Variants in ATP11A observed in about 807,000 individuals in gnomAD.
ATP11A encodes phospholipid-transporting ATPase IH.
A neutral mutation model predicts 154.4 loss-of-function variants in ATP11A; 81 were observed. That is an observed-to-expected ratio of 0.52 (90% CI 0.44 to 0.63). The LOEUF (loss-of-function observed/expected upper bound fraction) is 0.63. Among genes scored for constraint, ATP11A ranks in the 30% least tolerant of loss-of-function variants. ATP11A has a pLI of 0.00. For missense variants in ATP11A, 1,316 were observed against 1,474.3 expected (o/e 0.89, Z 1.76); for synonymous variants, 623 against 585.9 (o/e 1.06, Z -0.91).
chr13:112,839,615 C>T (rs2079337770), intron 16 of ATP11A, among the ~76,000 whole-genome samples: 1 of 152,184 alleles, frequency 6.6e-6, no homozygotes. Flanking sequence ...GGGACAGGAT[C>T]CTGTGTGTTC....
chr13:112,854,633 G>A, intron 19 of ATP11A, 103 bp downstream of exon 19: 1 of 1,376,738 alleles, frequency 7.3e-7, no homozygotes, highest in Non-Finnish European at 9.7e-7. Flanking sequence ...TCTCTACTGG[G>A]AATTCGGTTC....
chr13:112,749,508 A>G (rs2076639800), intron 1 of ATP11A, among the ~76,000 whole-genome samples: 1 of 152,266 alleles, frequency 6.6e-6, no homozygotes, highest in Non-Finnish European at 1.5e-5. Context: ...ACAGATAAAA[A>G]TAAGCAAAGG....
intron 29 of ATP11A, chr13:112,880,500 G>C: frequency 3.9e-6 from 5 of 1,276,774 alleles, no homozygotes; most frequent in Non-Finnish European, 4.1e-6. Context: ...CACTCCTGGT[G>C]GCCCCGTGTG....
chr13:112,854,609 G>A (rs144385661), intron 19 of ATP11A, 79 bp downstream of exon 19: 68 of 1,497,200 alleles, frequency 4.5e-5, no homozygotes, highest in Middle Eastern at 2.5e-4. Flanking sequence ...CCTGCAAGTC[G>A]GGGAGCCGCA....
rs35211407 is a variant in ATP11A at position 112,826,922 on chromosome 13, T to G, written c.1221+31T>G. ...TGTCTCCTGAGTCATCTGCTGTGAT[T>G]TATTAACATCTGGGTGAGTCTGCTT... On this transcript the variant is annotated intron_variant, in intron 12 of 29. Transcript: ENST00000375645. The G allele has an allele frequency of 6.7e-4, 1,077 of 1,611,366 alleles. 8 individuals carry two copies. The African/African-American group carries it at 0.01, about 15-fold the overall frequency.
At position 112,736,147 on chromosome 13, in the gene ATP11A, G is replaced by A. The variant is rs79638334; in HGVS notation, c.39+45692G>A. 9.4e-3 allele frequency among the ~76,000 whole-genome samples: 1,428 copies of A among 152,346 alleles called. 25 individuals are homozygous for A. The highest frequency in any genetic ancestry group is 0.032 in the African/African-American group (1,310 of 41,584). The stretch of plus-strand genomic sequence containing the variant: ...GCGGGTTGTGAGGGTAGCATGGACA[G>A]AGGGTGAGAACTCGAGCCCTGATCC... On this transcript the variant is annotated intron_variant, in intron 1 of 29. Coordinates refer to ENST00000375645, the MANE Select transcript of ATP11A (RefSeq NM_015205.3).
chr13:112,859,950 C>T lies in ATP11A; in HGVS notation c.2728-337C>T, dbSNP rs777679816. Among the ~76,000 whole-genome samples, 15 of 152,200 alleles carry T rather than the reference C, an allele frequency of 9.9e-5. No individual in the cohort carries two copies. The highest frequency in any genetic ancestry group is 4.1e-4 in the South Asian group (2 of 4,834). ...ACATGTGTGCTCAGTGGTTGGCGGG[C>T]CAGCTGCCTTCATGGGAAGTGACTG... On this transcript the variant is annotated intron_variant, in intron 23 of 29. Coordinates refer to ENST00000375645, the MANE Select transcript of ATP11A (RefSeq NM_015205.3). The surrounding 1 kb of genome is among the most constrained non-coding windows in gnomAD (Gnocchi z 4.3).
At chr13:112,812,642 C>A (rs1451448488) in intron 5 of ATP11A, among the ~76,000 whole-genome samples, 1 of 152,262 alleles carries the variant, frequency 6.6e-6, no homozygotes, top group East Asian at 1.9e-4. Context: ...ACTAACCCCC[C>A]ACCGCTCACC....
At chr13:112,805,489 A>G (rs2078294754) in intron 3 of ATP11A, among the ~76,000 whole-genome samples, 1 of 152,302 alleles carries the variant, frequency 6.6e-6, no homozygotes, top group East Asian at 1.9e-4. Flanking sequence ...CATCCTGGCC[A>G]GCATGGCTAA....
intron 19 of ATP11A, among the ~76,000 whole-genome samples, chr13:112,855,026 A>G (rs965144109): frequency 3.3e-5 from 5 of 152,184 alleles, no homozygotes; most frequent in African/African-American, 7.2e-5. Flanking sequence ...CTGGTGTTAG[A>G]TGCATTATCT....
In ATP11A at chr13:112,746,042, G is replaced by A. The variant is rs1303437424; in HGVS notation, c.40-39093G>A. 6 of 151,982 alleles carry A rather than the reference G, an allele frequency of 3.9e-5. No homozygotes were observed. The highest frequency in any genetic ancestry group is 2.1e-4 in the South Asian group (1 of 4,820). The allele number at this position is 151,982 out of a possible 1,614,324, so 9.4% of individuals were successfully genotyped here. Reference sequence around the variant, plus strand: ...CTGTGTCGTTTTGTGGCGGAATCACGTTCTGTTGTGTGTATACACCACGTT... The same window carrying A: ...CTGTGTCGTTTTGTGGCGGAATCACATTCTGTTGTGTGTATACACCACGTT... On this transcript the variant is annotated intron_variant, in intron 1 of 29. Coordinates refer to ENST00000375645, the MANE Select transcript of ATP11A (RefSeq NM_015205.3). The surrounding 1 kb of genome is among the most constrained non-coding windows in gnomAD (Gnocchi z 4.1).
intron 18 of ATP11A, among the ~76,000 whole-genome samples, chr13:112,853,465 C>T (rs183496789): frequency 1.3e-5 from 2 of 152,266 alleles, no homozygotes; most frequent in East Asian, 1.9e-4. Flanking sequence ...TTTCTAGAAG[C>T]ATGGCACGTT....
intron 1 of ATP11A, among the ~76,000 whole-genome samples, chr13:112,726,682 G>GA (rs762498193): frequency 9.9e-5 from 15 of 151,948 alleles, no homozygotes; most frequent in Non-Finnish European, 1.5e-4. Context: ...TTGCAAACTG[G>GA]AAAAAAAAGT....
At chr13:112,732,443 T>G (rs1890582233) in intron 1 of ATP11A, among the ~76,000 whole-genome samples, 1 of 151,936 alleles carries the variant, frequency 6.6e-6, no homozygotes, top group Non-Finnish European at 1.5e-5. Flanking sequence ...TCTCTCTCCA[T>G]CTCTCTCTCT....
At chr13:112,797,360 C>T (rs1566495783) in intron 2 of ATP11A, among the ~76,000 whole-genome samples, 1 of 150,642 alleles carries the variant, frequency 6.6e-6, no homozygotes, top group Non-Finnish European at 1.5e-5. Context: ...GAAATATCTC[C>T]AGTAAAAGTG....
chr13:112,705,978 G>A (rs937040663), intron 1 of ATP11A, among the ~76,000 whole-genome samples: 33 of 152,092 alleles, frequency 2.2e-4, no homozygotes, highest in African/African-American at 7.2e-4. Context: ...GATCATCACC[G>A]CCAGGTACTT....
intron 22 of ATP11A, chr13:112,858,545 T>C (rs2080003739): frequency 5.1e-6 from 2 of 390,978 alleles, no homozygotes; most frequent in Non-Finnish European, 9.3e-6. Flanking sequence ...AAACAGTTCC[T>C]CAGGTTTAAA....
intron 1 of ATP11A, among the ~76,000 whole-genome samples, chr13:112,763,009 A>G (rs1014975289): frequency 2.0e-5 from 3 of 152,216 alleles, no homozygotes; most frequent in Admixed American, 2.0e-4. Context: ...TTTAATTTCA[A>G]AAAGCATTTG....
chr13:112,778,682 T>TGAG (rs1482509176), intron 1 of ATP11A, among the ~76,000 whole-genome samples: 53 of 36,138 alleles, frequency 1.5e-3, no homozygotes, highest in South Asian at 6.8e-3. Context: ...GCCACTGGAG[T>TGAG]GAGTAGCCGC....
Sources: allele counts gnomAD v4.1 joint callset (sites outside exome capture counted in the v4.1 genomes callset), GRCh38; gene constraint gnomAD v4.1.1; non-coding constraint Gnocchi (gnomAD v3.1); transcripts MANE v1.5; gene names NCBI Gene and HGNC (gene_info 2026-07-23, HGNC 2026-07-21).